The following EFHC2 variants were observed in gnomAD, a reference collection of about 807,000 sequenced individuals.
EFHC2 encodes the protein EF-hand domain containing 2.
A neutral mutation model predicts 52.7 loss-of-function variants in EFHC2; 18 were observed. The observed-to-expected ratio is 0.34, with a 90% confidence interval of 0.24 to 0.51. The LOEUF (loss-of-function observed/expected upper bound fraction) is 0.51, where lower values mean the gene tolerates loss of function less well. Among genes scored for constraint, EFHC2 ranks in the 20% least tolerant of loss-of-function variants. EFHC2 has a pLI of 0.97. For missense variants in EFHC2, 513 were observed against 562.5 expected, an observed-to-expected ratio of 0.91 and a Z score of 0.89; for synonymous variants, 203 against 204.1, an observed-to-expected ratio of 0.99 and a Z score of 0.04.
At chrX:44,152,304 T>G (rs1221897849) in intron 14 of EFHC2, among the ~76,000 whole-genome samples, 1 of 111,376 alleles carries the variant, frequency 9.0e-6, no homozygotes, top group Non-Finnish European at 1.9e-5. Context: ...ATTAAATAGA[T>G]TGTCTCAAGT....
At chrX:44,221,524 G>A (rs892575753) in intron 11 of EFHC2, among the ~76,000 whole-genome samples, 6 of 111,705 alleles carry the variant, frequency 5.4e-5, no homozygotes, top group Non-Finnish European at 1.1e-4. Flanking sequence ...TCAAATGTAT[G>A]TAAATCATAT....
intron 2 of EFHC2, among the ~76,000 whole-genome samples, chrX:44,289,002 A>G (rs112200016): frequency 0.12 from 12,897 of 111,242 alleles, 720 homozygotes; most frequent in Admixed American, 0.25. Context: ...TGGCATTTCT[A>G]TTACCTAGAA....
intron 1 of EFHC2, among the ~76,000 whole-genome samples, chrX:44,319,230 C>A (rs1020020447): frequency 9.1e-6 from 1 of 110,173 alleles, no homozygotes; most frequent in Non-Finnish European, 1.9e-5. Flanking sequence ...CTCAAACTCC[C>A]AGGCTCAAGT....
At chrX:44,306,549 C>T (rs2037906761) in intron 2 of EFHC2, among the ~76,000 whole-genome samples, 1 of 111,787 alleles carries the variant, frequency 8.9e-6, no homozygotes, top group African/African-American at 3.2e-5. Flanking sequence ...TGCATAAAAC[C>T]GTTCTGCCTA....
intron 7 of EFHC2, among the ~76,000 whole-genome samples, chrX:44,244,967 G>A (rs1374346239): frequency 8.9e-6 from 1 of 111,943 alleles, no homozygotes; most frequent in East Asian, 2.8e-4. Context: ...TGATTTCAAT[G>A]AAACCTAAAT....
At chrX:44,333,143 C>G (rs1225234180) in intron 1 of EFHC2, among the ~76,000 whole-genome samples, 1 of 111,635 alleles carries the variant, frequency 9.0e-6, no homozygotes, top group African/African-American at 3.3e-5. Flanking sequence ...AAAGAGCCAC[C>G]AATCACAGTT....
chrX:44,319,193 G>T (rs1470371785), intron 1 of EFHC2, among the ~76,000 whole-genome samples: 1 of 109,218 alleles, frequency 9.2e-6, no homozygotes, highest in Non-Finnish European at 1.9e-5. Context: ...AGTAGAAACG[G>T]GGTTTCACCA....
intron 2 of EFHC2, among the ~76,000 whole-genome samples, chrX:44,279,710 C>A (rs67027803): frequency 0.15 from 16,522 of 109,700 alleles, 1,251 homozygotes; most frequent in African/African-American, 0.27. Flanking sequence ...ACCAAGTAAG[C>A]AGTGAAAAAA....
intron 1 of EFHC2, among the ~76,000 whole-genome samples, chrX:44,318,229 T>C (rs1450594567): frequency 8.9e-6 from 1 of 112,276 alleles, no homozygotes; most frequent in African/African-American, 3.2e-5. Flanking sequence ...CGTGCTACCA[T>C]GTGGATGAAC....
At chrX:44,305,357 T>C (rs771625265) in intron 2 of EFHC2, among the ~76,000 whole-genome samples, 3 of 112,169 alleles carry the variant, frequency 2.7e-5, no homozygotes, top group African/African-American at 9.7e-5. Flanking sequence ...TGGATCAGTA[T>C]TACTGATTTT....
In EFHC2 at chrX:44,211,632, C is replaced by T. The variant is rs1351708015; in HGVS notation, c.1751+18017G>A. Among the ~76,000 whole-genome samples, 15 of 110,190 alleles carry T rather than the reference C, an allele frequency of 1.4e-4. No individual in the cohort carries two copies. The East Asian group carries it at 1.7e-3, about 13-fold the overall frequency. On this transcript the variant is annotated intron_variant, in intron 11 of 14. Coordinates refer to ENST00000420999, the MANE Select transcript of EFHC2 (RefSeq NM_025184.4). ...ATCCCAGCACTTTGGGAGGCCGAGG[C>T]GGGCAGATCATGAGATCAGGAGATC...
intron 3 of EFHC2, among the ~76,000 whole-genome samples, chrX:44,262,526 A>G (rs576044171): frequency 1.2e-5 from 1 of 84,243 alleles, no homozygotes; most frequent in African/African-American, 5.3e-5. Flanking sequence ...AAAAAAAAAA[A>G]AAAAAAAAAG....
chrX:44,314,858 G>A (rs192659060), intron 1 of EFHC2, among the ~76,000 whole-genome samples: 8 of 111,253 alleles, frequency 7.2e-5, no homozygotes, highest in African/African-American at 2.6e-4. Flanking sequence ...CCAAATATAC[G>A]AGTTAAAATA....
At position 44,342,697 on chromosome X, in the gene EFHC2, T is replaced by A. The variant is rs772286973; in HGVS notation, c.42+850A>T. Among the ~76,000 whole-genome samples, 149 of 109,398 alleles carry A rather than the reference T, an allele frequency of 1.4e-3. 1 individual carries two copies. Among genetic ancestry groups the A allele is most frequent in the Admixed American group, 3.6e-3 (37 of 10,223 alleles). 95.0% of individuals were successfully genotyped at this position (109,398 alleles called of 115,157 possible). On this transcript the variant is annotated intron_variant, in intron 1 of 14. Coordinates refer to ENST00000420999, the MANE Select transcript of EFHC2 (RefSeq NM_025184.4). ...TCCGAGGCCAGCCTGGCCAACATGG[T>A]GAAACCCCATCTTTACTAAAAATAC...
At chrX:44,235,647 G>A (rs2037314312) in intron 8 of EFHC2, among the ~76,000 whole-genome samples, 200 bp from the exon 9 acceptor site, 1 of 112,703 alleles carries the variant, frequency 8.9e-6, no homozygotes, top group South Asian at 3.6e-4. Flanking sequence ...AGATATCTCT[G>A]ATTCTTTACA....
chrX:44,258,479 C>T (rs1258725317), intron 4 of EFHC2, among the ~76,000 whole-genome samples: 4 of 108,919 alleles, frequency 3.7e-5, no homozygotes, highest in African/African-American at 1.0e-4. Context: ...TATGAACAGA[C>T]ACTTCTCAAA....
intron 1 of EFHC2, among the ~76,000 whole-genome samples, chrX:44,324,652 G>A (rs1247104647): frequency 9.0e-6 from 1 of 111,627 alleles, no homozygotes; most frequent in African/African-American, 3.3e-5. Context: ...AATATATGAT[G>A]GGGCCTTTTA....
chrX:44,235,611 T>G (rs908574850), intron 8 of EFHC2, among the ~76,000 whole-genome samples, 164 bp from the exon 9 acceptor site: 1 of 112,852 alleles, frequency 8.9e-6, no homozygotes, highest in African/African-American at 3.2e-5. Flanking sequence ...TAAATCTAAA[T>G]GCAGAGGAAT....
At chrX:44,300,246 T>C (rs1322095802) in intron 2 of EFHC2, among the ~76,000 whole-genome samples, 1 of 111,666 alleles carries the variant, frequency 9.0e-6, no homozygotes, top group Non-Finnish European at 1.9e-5. Flanking sequence ...TTCTTCCTAA[T>C]TTGTGAACTA....
Sources: allele counts gnomAD v4.1 joint callset (sites outside exome capture counted in the v4.1 genomes callset), GRCh38; gene constraint gnomAD v4.1.1; transcripts MANE v1.5; gene names NCBI Gene and HGNC (gene_info 2026-07-23, HGNC 2026-07-21).